NTNG1: variants seen among roughly 807,000 people sequenced by gnomAD.
NTNG1 encodes the protein netrin G1.
NTNG1 carries 16 observed loss-of-function variants against 54.0 expected under a neutral mutation model. That is an observed-to-expected ratio of 0.30 (90% CI 0.20 to 0.45). The LOEUF (loss-of-function observed/expected upper bound fraction) is 0.45. Ranked by LOEUF, NTNG1 falls within the 20% of genes least tolerant of loss-of-function variation. NTNG1 has a pLI of 1.00. For missense variants in NTNG1, 530 were observed against 678.7 expected (o/e 0.78, Z 2.43); for synonymous variants, 255 against 263.1 (o/e 0.97, Z 0.30).
intron 2 of NTNG1, among the ~76,000 whole-genome samples, chr1:107,183,937 A>G (rs767259252): frequency 6.6e-6 from 1 of 152,052 alleles, no homozygotes; most frequent in Non-Finnish European, 1.5e-5. Flanking sequence ...TCTGATTACT[A>G]TTGCTGTGTG....
intron 4 of NTNG1, among the ~76,000 whole-genome samples, chr1:107,400,794 G>A (rs1672979417): frequency 6.6e-6 from 1 of 151,856 alleles, no homozygotes; most frequent in South Asian, 2.1e-4. Flanking sequence ...GATTACAGGT[G>A]CCCACCACCA....
intron 7 of NTNG1, among the ~76,000 whole-genome samples, chr1:107,460,612 A>G (rs953072749): frequency 6.6e-6 from 1 of 152,164 alleles, no homozygotes; most frequent in African/African-American, 2.4e-5. Context: ...ATTATTCGAT[A>G]GCTTCTTTTT....
intron 4 of NTNG1, among the ~76,000 whole-genome samples, chr1:107,403,176 C>G (rs1206784746): frequency 6.6e-6 from 1 of 152,032 alleles, no homozygotes; most frequent in Non-Finnish European, 1.5e-5. Flanking sequence ...GTTCTCACCC[C>G]CCTAATTGCA....
intron 2 of NTNG1, among the ~76,000 whole-genome samples, chr1:107,205,237 T>C (rs1185570035): frequency 2.0e-5 from 3 of 152,194 alleles, no homozygotes; most frequent in Admixed American, 6.5e-5. Context: ...TCAGAGTTTA[T>C]AGCTTCAGAG....
chr1:107,287,049 T>G (rs916742928), intron 2 of NTNG1, among the ~76,000 whole-genome samples: 8 of 152,182 alleles, frequency 5.3e-5, no homozygotes, highest in Admixed American at 2.6e-4. Flanking sequence ...TTTGGTTTTC[T>G]GAGGCATTTT....
chr1:107,236,090 C>A (rs1011620930), intron 2 of NTNG1, among the ~76,000 whole-genome samples: 1 of 152,000 alleles, frequency 6.6e-6, no homozygotes, highest in African/African-American at 2.4e-5. Context: ...AGACACACAA[C>A]AAATCTAGTC....
intron 2 of NTNG1, among the ~76,000 whole-genome samples, chr1:107,261,633 G>C (rs575880931): frequency 6.6e-6 from 1 of 152,180 alleles, no homozygotes; most frequent in Non-Finnish European, 1.5e-5. Flanking sequence ...CACGAGGCCA[G>C]GAGATCGAGA....
chr1:107,453,487 T>C (rs1057287976), intron 7 of NTNG1, among the ~76,000 whole-genome samples: 3 of 152,274 alleles, frequency 2.0e-5, no homozygotes, highest in South Asian at 2.1e-4. Context: ...GCTACAAGAG[T>C]GTGCATTACT....
intron 2 of NTNG1, among the ~76,000 whole-genome samples, chr1:107,200,158 A>T (rs1658634451): frequency 6.6e-6 from 1 of 151,770 alleles, no homozygotes; most frequent in African/African-American, 2.4e-5. Flanking sequence ...TCTCTGACTG[A>T]TACATTAGGG....
At chr1:107,281,031 A>G (rs896334088) in intron 2 of NTNG1, among the ~76,000 whole-genome samples, 12 of 152,014 alleles carry the variant, frequency 7.9e-5, no homozygotes, top group Admixed American at 3.9e-4. Flanking sequence ...CCTTACTCTC[A>G]TGTAACCCTC....
At chr1:107,324,999 G>T in intron 3 of NTNG1, 77 bp downstream of exon 3, 1 of 1,397,212 alleles carries the variant, frequency 7.2e-7, no homozygotes, top group Non-Finnish European at 9.7e-7. Flanking sequence ...CAGCTGTAAA[G>T]TGACATTTGT....
chr1:107,356,364 G>A (rs1203946776), intron 3 of NTNG1, among the ~76,000 whole-genome samples: 7 of 152,112 alleles, frequency 4.6e-5, no homozygotes, highest in Non-Finnish European at 7.4e-5. Flanking sequence ...CACAATCTCA[G>A]CTGACTGCAA....
At chr1:107,184,610 C>T (rs945810975) in intron 2 of NTNG1, among the ~76,000 whole-genome samples, 3 of 152,056 alleles carry the variant, frequency 2.0e-5, no homozygotes, top group East Asian at 3.9e-4. Context: ...CCACTACATT[C>T]GACAAAAGAC....
intron 7 of NTNG1, 28 bp from the exon 8 acceptor site, chr1:107,480,583 C>CCCCCCAACAAA: frequency 1.3e-6 from 1 of 744,750 alleles, no homozygotes; most frequent in Non-Finnish European, 2.3e-6. Context: ...CGCGCCCACC[C>CCCCCCAACAAA]ACCCCTACCT....
intron 2 of NTNG1, among the ~76,000 whole-genome samples, chr1:107,255,273 A>G (rs1662857838): frequency 6.6e-6 from 1 of 152,234 alleles, no homozygotes; most frequent in African/African-American, 2.4e-5. Flanking sequence ...ACTTAAGATT[A>G]TTAAACATCG....
chr1:107,313,581 G>A (rs6692538), intron 2 of NTNG1, among the ~76,000 whole-genome samples: 39,984 of 152,000 alleles, frequency 0.26, 5,389 homozygotes, highest in South Asian at 0.36. Flanking sequence ...TAGGAGGGAA[G>A]AGGCCAAAGG....
intron 7 of NTNG1, among the ~76,000 whole-genome samples, chr1:107,463,108 T>C (rs1677379681): frequency 6.6e-6 from 1 of 152,232 alleles, no homozygotes; most frequent in Non-Finnish European, 1.5e-5. Context: ...GAGATTTTCA[T>C]TGTGCCTTGA....
At chr1:107,420,787 G>T (rs1289264367) in intron 5 of NTNG1, among the ~76,000 whole-genome samples, 3 of 151,968 alleles carry the variant, frequency 2.0e-5, no homozygotes, top group Non-Finnish European at 4.4e-5. Context: ...GACAGTAGGG[G>T]ATCCTACTAT....
chr1:107,472,759 G>A (rs1479996740), intron 7 of NTNG1, among the ~76,000 whole-genome samples: 1 of 152,066 alleles, frequency 6.6e-6, no homozygotes, highest in Non-Finnish European at 1.5e-5. Flanking sequence ...TTGTGGGGCG[G>A]GGATGGATTG....
Sources: allele counts gnomAD v4.1 joint callset (sites outside exome capture counted in the v4.1 genomes callset), GRCh38; gene constraint gnomAD v4.1.1; transcripts MANE v1.5; gene names NCBI Gene and HGNC (gene_info 2026-07-23, HGNC 2026-07-21).